REV1: variants seen among roughly 807,000 people sequenced by gnomAD.
REV1 encodes REV1 DNA directed polymerase.
In REV1, 42 loss-of-function variants were observed where a neutral mutation model predicts 137.4. That is an observed-to-expected ratio of 0.31 (90% CI 0.24 to 0.40). The LOEUF (loss-of-function observed/expected upper bound fraction) is 0.40, where lower values mean the gene tolerates loss of function less well. REV1 is among the 10% of genes least tolerant of loss of function. REV1 has a pLI of 1.00. For synonymous variants in REV1, 524 were observed against 519.2 expected (o/e 1.01, Z -0.12); for missense variants, 1,282 against 1,490.1 (o/e 0.86, Z 2.30).
chr2:99,481,115 A>C (rs754436148), intron 1 of REV1, among the ~76,000 whole-genome samples: 1 of 152,252 alleles, frequency 6.6e-6, no homozygotes, highest in Admixed American at 6.5e-5. Context: ...TAAGTTACTG[A>C]AACATTTTAC....
At chr2:99,431,920 A>G in intron 8 of REV1, 1 of 985,206 alleles carries the variant, frequency 1.0e-6, no homozygotes, top group Non-Finnish European at 1.2e-6. Flanking sequence ...GGTTGGAGAA[A>G]TCAGAGGCCA....
intron 5 of REV1, among the ~76,000 whole-genome samples, chr2:99,441,662 G>A (rs183973924): frequency 7.2e-4 from 110 of 152,228 alleles, no homozygotes; most frequent in African/African-American, 2.6e-3. Context: ...TATAGCTGGT[G>A]CAGTTAGTTC....
intron 1 of REV1, among the ~76,000 whole-genome samples, chr2:99,477,145 G>A (rs114322265): frequency 0.013 from 1,994 of 152,172 alleles, 43 homozygotes; most frequent in African/African-American, 0.046. Flanking sequence ...CTTACTTTTA[G>A]TAATGGAACA....
chr2:99,428,364 C>A (rs559070129), intron 9 of REV1, among the ~76,000 whole-genome samples: 1 of 152,230 alleles, frequency 6.6e-6, no homozygotes, highest in Admixed American at 6.5e-5. Context: ...AGCAGTATAA[C>A]AATTCAAAAC....
At chr2:99,442,561 T>A in intron 4 of REV1, 92 bp from the exon 5 acceptor site, 1 of 1,185,734 alleles carries the variant, frequency 8.4e-7, no homozygotes, top group Non-Finnish European at 1.2e-6. Flanking sequence ...ATACAGTATT[T>A]CACCAACAAC....
rs1172350232 is a variant in REV1, at chr2:99,449,345, A to G, written c.341T>C (p.Ile114Thr). ...KGEKVIRPEW[I>T]VESIKAGRLL... is the part of the protein sequence containing the mutation. ...AATAAATTAAACTTACCTTTCCACA[A>G]TCCATTCTGGTCGAATTACTTTTTC... The change falls in exon 4 of 23, where the codon ATT becomes ACT. Residue 114 changes from isoleucine (I) to threonine (T), a missense_variant. Coordinates refer to ENST00000258428, the MANE Select transcript of REV1 (RefSeq NM_016316.4). The G allele has an allele frequency of 6.5e-7, 1 of 1,527,314 alleles. No individual in the cohort carries two copies. Among genetic ancestry groups the G allele is most frequent in the South Asian group, 1.3e-5 (1 of 74,168 alleles). 94.6% of individuals were successfully genotyped at this position (1,527,314 alleles called of 1,614,324 possible).
At chr2:99,416,909 T>A (rs1696156080) in intron 12 of REV1, among the ~76,000 whole-genome samples, 1 of 45,894 alleles carries the variant, frequency 2.2e-5, no homozygotes, top group Non-Finnish European at 3.4e-5. Context: ...CAAGACTCCA[T>A]CTCAAAAAAA....
chr2:99,402,457 A>G (rs767443078), intron 21 of REV1, 111 bp from the exon 22 acceptor site: 135 of 792,402 alleles, frequency 1.7e-4, no homozygotes, highest in Admixed American at 3.6e-4. Context: ...ACTAACAGCT[A>G]TCAAAGGAAT....
intron 19 of REV1, 23 bp downstream of exon 19, chr2:99,403,672 T>G: frequency 6.2e-7 from 1 of 1,614,136 alleles, no homozygotes; most frequent in Admixed American, 1.7e-5. Flanking sequence ...TCATTTTTGT[T>G]ACATGCCACT....
At chr2:99,424,729 A>G (rs1418294665) in intron 9 of REV1, 2 of 1,292,304 alleles carry the variant, frequency 1.5e-6, no homozygotes, top group Admixed American at 4.7e-5. Flanking sequence ...ACTACACAAA[A>G]CAGTGCTATG....
intron 2 of REV1, chr2:99,462,876 T>G: frequency 3.3e-6 from 1 of 300,652 alleles, no homozygotes; most frequent in Non-Finnish European, 6.0e-6. Flanking sequence ...TCACCTGAGA[T>G]CAGGAGTTTG....
intron 1 of REV1, among the ~76,000 whole-genome samples, chr2:99,469,216 T>TC (rs1047922860): frequency 2.0e-5 from 3 of 152,150 alleles, no homozygotes; most frequent in African/African-American, 7.2e-5. Context: ...ATGCTTTTTT[T>TC]CCCCCGTAAG....
chr2:99,450,636 G>A (rs911085637), intron 3 of REV1, among the ~76,000 whole-genome samples: 2 of 152,024 alleles, frequency 1.3e-5, no homozygotes, highest in East Asian at 1.9e-4. Flanking sequence ...GCACTATTCA[G>A]TAGAAAATAT....
At chr2:99,442,266 A>AC in intron 5 of REV1, 51 bp downstream of exon 5, 13 of 1,398,282 alleles carry the variant, frequency 9.3e-6, no homozygotes, top group South Asian at 8.7e-5. Flanking sequence ...AAAAAAAAAA[A>AC]AAAAAAAAAA....
intron 8 of REV1, 64 bp downstream of exon 8, chr2:99,434,268 C>A: frequency 9.5e-7 from 1 of 1,052,178 alleles, no homozygotes; most frequent in South Asian, 1.8e-5. Context: ...ACAACCATGC[C>A]AAATAGCAAA....
At position 99,408,142 on chromosome 2, in the gene REV1, T is replaced by C. The variant is rs763850555; in HGVS notation, c.2346-11A>G. 1.6e-5 allele frequency: 25 copies of C among 1,553,002 alleles called. No individual in the cohort carries two copies. Among genetic ancestry groups the C allele is most frequent in the Non-Finnish European group, 2.1e-5 (24 of 1,133,786 alleles). On this transcript the variant is annotated splice_polypyrimidine_tract_variant and intron_variant, in intron 14 of 22. Coordinates refer to ENST00000258428, the MANE Select transcript of REV1 (RefSeq NM_016316.4). ...TCAAGAGTTACAGTCCTGTAAGTGA[T>C]AGAATTAAAAAACAAAAGCTTCATT...
intron 12 of REV1, among the ~76,000 whole-genome samples, chr2:99,417,506 T>C (rs1448634178): frequency 6.6e-6 from 1 of 152,192 alleles, no homozygotes; most frequent in Non-Finnish European, 1.5e-5. Context: ...CAAGGTCATA[T>C]TGATGAGCCT....
intron 1 of REV1, among the ~76,000 whole-genome samples, chr2:99,489,246 C>T (rs1687424213): frequency 6.6e-6 from 1 of 152,198 alleles, no homozygotes; most frequent in South Asian, 2.1e-4. Flanking sequence ...TCGGACATTC[C>T]GACCGGTTCT....
chr2:99,442,307 A>C lies in REV1; in HGVS notation c.503+10T>G, dbSNP rs776780659. ...CAGCTTTGCAGTAATCCCCAACTAG[A>C]CAAACTTACACCCTGTTGTTGAGCT... is the stretch of plus-strand genomic sequence containing the variant. On this transcript the variant is annotated intron_variant, in intron 5 of 22. Coordinates refer to ENST00000258428, the MANE Select transcript of REV1 (RefSeq NM_016316.4). 1.3e-6 allele frequency: 2 copies of C among 1,596,118 alleles called. No individual in the cohort carries two copies. Among genetic ancestry groups the C allele is most frequent in the Non-Finnish European group, 1.7e-6 (2 of 1,174,242 alleles).
Sources: allele counts gnomAD v4.1 joint callset (sites outside exome capture counted in the v4.1 genomes callset), GRCh38; gene constraint gnomAD v4.1.1; transcripts MANE v1.5; gene names NCBI Gene and HGNC (gene_info 2026-07-23, HGNC 2026-07-21).